Variants in GPC3 observed in about 807,000 individuals in gnomAD.
GPC3 encodes the protein glypican-3.
A neutral mutation model predicts 34.4 loss-of-function variants in GPC3; 3 were observed. The ratio of observed to expected loss-of-function variants is 0.09; its 90% CI spans 0.04 to 0.23. The LOEUF is 0.23. GPC3 is among the 10% of genes least tolerant of loss of function. The pLI, the probability that GPC3 is intolerant of heterozygous loss-of-function variation, is 1.00. For synonymous variants in GPC3, 177 were observed against 174.0 expected, an observed-to-expected ratio of 1.02 and a Z score of -0.13; for missense variants, 351 against 445.6, an observed-to-expected ratio of 0.79 and a Z score of 1.91.
At chrX:133,733,791 T>C (rs188696279) in intron 3 of GPC3, among the ~76,000 whole-genome samples, 3 of 111,824 alleles carry the variant, frequency 2.7e-5, no homozygotes, top group African/African-American at 9.7e-5. Flanking sequence ...AGATAGCAGA[T>C]GTGAAATGTA....
chrX:133,843,005 AG>A (rs1264899945), intron 2 of GPC3, among the ~76,000 whole-genome samples: 10 of 111,399 alleles, frequency 9.0e-5, no homozygotes, highest in Non-Finnish European at 1.3e-4. Context: ...ATCAGTTGCC[AG>A]GCTATAAGGA....
At chrX:133,547,962 T>C (rs1470094896) in intron 7 of GPC3, among the ~76,000 whole-genome samples, 1 of 111,486 alleles carries the variant, frequency 9.0e-6, no homozygotes, top group Non-Finnish European at 1.9e-5. Flanking sequence ...CTCCCAGGCA[T>C]GAGGCTGCAT....
intron 2 of GPC3, among the ~76,000 whole-genome samples, chrX:133,948,055 CA>C (rs1308456944): frequency 9.0e-6 from 1 of 110,613 alleles, no homozygotes; most frequent in African/African-American, 3.3e-5. Flanking sequence ...TCAGGCTAGT[CA>C]GGGGGAAAGA....
chrX:133,899,679 C>A (rs1420045690), intron 2 of GPC3, among the ~76,000 whole-genome samples: 1 of 111,614 alleles, frequency 9.0e-6, no homozygotes, highest in Admixed American at 9.5e-5. Context: ...GCTCAATAAA[C>A]AGTTTAACTG....
chrX:133,590,513 AAG>A (rs2069836856), intron 7 of GPC3, among the ~76,000 whole-genome samples: 1 of 111,762 alleles, frequency 8.9e-6, no homozygotes, highest in Admixed American at 9.5e-5. Context: ...AATAAGGAAA[AAG>A]AGAATACTTA....
At chrX:133,853,731 G>A (rs1490498945) in intron 2 of GPC3, among the ~76,000 whole-genome samples, 20 of 112,313 alleles carry the variant, frequency 1.8e-4, no homozygotes, top group Non-Finnish European at 1.7e-4. Context: ...AGCATAAGAA[G>A]TGCAAGAAGA....
chrX:133,620,150 G>A (rs1194777741), intron 6 of GPC3, among the ~76,000 whole-genome samples: 2 of 104,336 alleles, frequency 1.9e-5, no homozygotes, highest in East Asian at 6.1e-4. Flanking sequence ...AACCCAGGAG[G>A]TGGAGGTTGC....
intron 1 of GPC3, among the ~76,000 whole-genome samples, chrX:133,980,157 C>A (rs908404909): frequency 8.9e-6 from 1 of 111,995 alleles, no homozygotes; most frequent in Non-Finnish European, 1.9e-5. Flanking sequence ...TGATACTAAG[C>A]CAGTCATAAC....
chrX:133,856,208 T>C (rs193115035), intron 2 of GPC3, among the ~76,000 whole-genome samples: 11 of 111,827 alleles, frequency 9.8e-5, no homozygotes, highest in Admixed American at 8.6e-4. Flanking sequence ...TTTTCCATAA[T>C]GGATGTACTA....
chrX:133,604,643 A>G (rs2070026769), intron 6 of GPC3, among the ~76,000 whole-genome samples: 1 of 112,045 alleles, frequency 8.9e-6, no homozygotes, highest in African/African-American at 3.2e-5. Context: ...TAAAGGGATA[A>G]GTAACAAAAT....
chrX:133,906,973 C>A (rs957574903), intron 2 of GPC3, among the ~76,000 whole-genome samples: 1 of 109,750 alleles, frequency 9.1e-6, no homozygotes, highest in Non-Finnish European at 1.9e-5. Flanking sequence ...TGGTGGCGGG[C>A]GCCTGTAGTC....
chrX:133,683,631 T>A (rs1298918046), intron 5 of GPC3, among the ~76,000 whole-genome samples: 1 of 112,085 alleles, frequency 8.9e-6, no homozygotes, highest in African/African-American at 3.2e-5. Context: ...TCTATAGACA[T>A]ATCAATGTTG....
At chrX:133,757,782 G>T (rs2071741737) in intron 2 of GPC3, among the ~76,000 whole-genome samples, 1 of 111,336 alleles carries the variant, frequency 9.0e-6, no homozygotes, top group South Asian at 3.8e-4. Flanking sequence ...ATAAAAAATG[G>T]TCCTTGTTTT....
intron 7 of GPC3, among the ~76,000 whole-genome samples, chrX:133,545,597 G>A (rs1340318037): frequency 9.0e-6 from 1 of 111,543 alleles, no homozygotes; most frequent in Non-Finnish European, 1.9e-5. Context: ...AGTGAAATGA[G>A]GCATTTGCCA....
chrX:133,829,748 C>A (rs766591126), intron 2 of GPC3, among the ~76,000 whole-genome samples: 1 of 110,972 alleles, frequency 9.0e-6, no homozygotes, highest in East Asian at 2.8e-4. Context: ...GAAAGCTGGG[C>A]TAGCTATATT....
chrX:133,556,052 A>G (rs2069486176), intron 7 of GPC3, among the ~76,000 whole-genome samples: 1 of 110,606 alleles, frequency 9.0e-6, no homozygotes, highest in Admixed American at 9.6e-5. Context: ...TTTCCTTGAT[A>G]TTTTGTGAAC....
chrX:133,881,839 C>G (rs1228918120), intron 2 of GPC3, among the ~76,000 whole-genome samples: 1 of 112,576 alleles, frequency 8.9e-6, no homozygotes, highest in Non-Finnish European at 1.9e-5. Flanking sequence ...TACTGACATA[C>G]TAGTAAAAAA....
intron 2 of GPC3, among the ~76,000 whole-genome samples, chrX:133,909,986 A>G (rs1003485510): frequency 7.2e-5 from 8 of 111,830 alleles, no homozygotes; most frequent in African/African-American, 2.6e-4. Context: ...AGCAGATACT[A>G]TGCCCAAAAT....
chrX:133,796,124 T>C (rs1182764006), intron 2 of GPC3, among the ~76,000 whole-genome samples: 1 of 109,365 alleles, frequency 9.1e-6, no homozygotes, highest in East Asian at 2.9e-4. Context: ...TTTTTGTATT[T>C]TTAGTAGAGA....
Sources: gnomAD v4.1 joint callset for allele counts (sites outside exome capture counted in the v4.1 genomes callset) on GRCh38, gnomAD v4.1.1 for gene constraint, MANE v1.5 for transcripts, NCBI Gene and HGNC (gene_info 2026-07-23, HGNC 2026-07-21) for gene names.